Variants in LHFPL2 observed in about 807,000 individuals in gnomAD.
The protein encoded by LHFPL2 is LHFPL tetraspan subfamily member 2 protein.
Under a neutral mutation model 17.5 loss-of-function variants are expected in LHFPL2, and 7 were observed. The observed-to-expected ratio is 0.40, with a 90% CI of 0.23 to 0.75. LHFPL2 has a LOEUF of 0.75. LHFPL2 is among the 30% of genes least tolerant of loss of function. LHFPL2 has a pLI of 0.37. For synonymous variants in LHFPL2, 134 were observed against 116.2 expected (o/e 1.15, Z -0.99); for missense variants, 241 against 294.8 (o/e 0.82, Z 1.34).
At chr5:78,515,581 C>T (rs1450252236) in intron 3 of LHFPL2, among the ~76,000 whole-genome samples, 1 of 152,222 alleles carries the variant, frequency 6.6e-6, no homozygotes. Context: ...GTGCTTTTGC[C>T]TTCCAAGAGT....
At chr5:78,555,212 C>T (rs1190931094) in intron 3 of LHFPL2, among the ~76,000 whole-genome samples, 1 of 152,202 alleles carries the variant, frequency 6.6e-6, no homozygotes, top group South Asian at 2.1e-4. Flanking sequence ...GAATACTATA[C>T]ATTAGACAGT....
rs908711018 is a variant in LHFPL2 at position 78,511,365 on chromosome 5, G to A, written c.-185-967C>T. Among the ~76,000 whole-genome samples, 4 of 152,324 alleles carry A rather than the reference G, an allele frequency of 2.6e-5. No homozygotes were observed. In the South Asian group the frequency reaches 6.2e-4, roughly 24 times the overall value. The stretch of plus-strand genomic sequence containing the variant: ...CCTCATTCTGTCTCCACGGAGGAAT[G>A]ACTTCATTACCAGAAGACATTGCTC... On this transcript the variant is annotated intron_variant, in intron 3 of 4. Coordinates refer to ENST00000380345, the MANE Select transcript of LHFPL2 (RefSeq NM_005779.3).
At chr5:78,544,353 G>A (rs1004446921) in intron 3 of LHFPL2, among the ~76,000 whole-genome samples, 1 of 152,178 alleles carries the variant, frequency 6.6e-6, no homozygotes, top group South Asian at 2.1e-4. Flanking sequence ...GTAAAGCAGA[G>A]CTCAGGTCTT....
rs1354243886 is a variant in LHFPL2 at position 78,632,308 on chromosome 5, C to T, written c.-289G>A. ...GGTCCCTCGCTTGCATGAGGTGCTT[C>T]TTAACAAAATGCAGAAACCATAGGC... is the stretch of plus-strand genomic sequence containing the variant. On this transcript the variant is annotated 5_prime_UTR_variant, in exon 2 of 5. Coordinates refer to ENST00000380345, the MANE Select transcript of LHFPL2 (RefSeq NM_005779.3). 6.6e-6 allele frequency: 1 copy of T among 152,216 alleles called. No homozygotes were observed. Among genetic ancestry groups the T allele is most frequent in the Non-Finnish European group, 1.5e-5 (1 of 68,050 alleles). The allele number at this position is 152,216 out of a possible 1,614,324, so 9.4% of individuals were successfully genotyped here. A position where few individuals can be genotyped will look rare whatever the true frequency, so the allele number is the denominator to read the frequency against.
chr5:78,502,690 G>C (rs1754809576), intron 4 of LHFPL2, among the ~76,000 whole-genome samples: 1 of 126,496 alleles, frequency 7.9e-6, no homozygotes, highest in African/African-American at 3.1e-5. Context: ...AAGGTAAAAG[G>C]CACTTTTAAA....
At chr5:78,568,217 A>AAGG (rs1756908733) in intron 2 of LHFPL2, among the ~76,000 whole-genome samples, 3 of 152,228 alleles carry the variant, frequency 2.0e-5, no homozygotes, top group Admixed American at 6.5e-5. Context: ...TATGTATATT[A>AAGG]TTAATCTGCT....
intron 4 of LHFPL2, among the ~76,000 whole-genome samples, chr5:78,492,835 C>A (rs1754489710): frequency 6.6e-6 from 1 of 152,224 alleles, no homozygotes; most frequent in South Asian, 2.1e-4. Flanking sequence ...GTGCCAACCA[C>A]ACGCTGCAAC....
At chr5:78,625,641 A>G (rs562121292) in intron 2 of LHFPL2, 6 of 152,374 alleles carry the variant, frequency 3.9e-5, no homozygotes, top group East Asian at 1.9e-4. Context: ...ACACTTCTAC[A>G]GACTTTTCTG....
intron 3 of LHFPL2, among the ~76,000 whole-genome samples, chr5:78,546,051 T>G (rs1185679770): frequency 1.3e-5 from 2 of 152,204 alleles, no homozygotes; most frequent in Non-Finnish European, 2.9e-5. Context: ...CTTACTGAGT[T>G]CTAATTTCTA....
At chr5:78,505,914 G>A (rs970544706) in intron 4 of LHFPL2, among the ~76,000 whole-genome samples, 6 of 152,202 alleles carry the variant, frequency 3.9e-5, no homozygotes, top group Non-Finnish European at 8.8e-5. Context: ...GAAAACTATG[G>A]TTCAGAAAAG....
chr5:78,642,960 C>G (rs1430044844), intron 1 of LHFPL2, among the ~76,000 whole-genome samples: 1 of 152,196 alleles, frequency 6.6e-6, no homozygotes, highest in Non-Finnish European at 1.5e-5. Flanking sequence ...AGCCTCCCAG[C>G]TCACCTTGTT....
chr5:78,583,836 C>G (rs1254107655), intron 2 of LHFPL2, among the ~76,000 whole-genome samples: 107 of 142,218 alleles, frequency 7.5e-4, no homozygotes, highest in African/African-American at 2.5e-3. Context: ...GCCTGCCTTG[C>G]TAGATTGGGG....
intron 2 of LHFPL2, among the ~76,000 whole-genome samples, chr5:78,602,896 G>C (rs1263689393): frequency 6.6e-6 from 1 of 151,974 alleles, no homozygotes; most frequent in Non-Finnish European, 1.5e-5. Flanking sequence ...GTTTTGTTTT[G>C]TTTTGTTTTG....
intron 2 of LHFPL2, among the ~76,000 whole-genome samples, chr5:78,627,056 G>A (rs1745067765): frequency 6.6e-6 from 1 of 151,620 alleles, no homozygotes; most frequent in African/African-American, 2.4e-5. Context: ...ACTCCAGCCT[G>A]GGCAACGAGA....
At chr5:78,551,702 A>C (rs141400766) in intron 3 of LHFPL2, among the ~76,000 whole-genome samples, 1 of 152,194 alleles carries the variant, frequency 6.6e-6, no homozygotes, top group African/African-American at 2.4e-5. Context: ...CAAAAACTAG[A>C]ATCCCACTTC....
At chr5:78,538,714 C>G (rs994691624) in intron 3 of LHFPL2, among the ~76,000 whole-genome samples, 8 of 152,304 alleles carry the variant, frequency 5.3e-5, no homozygotes, top group Admixed American at 4.6e-4. Flanking sequence ...GGTGAGAAGC[C>G]ACACCTGCAC....
At chr5:78,537,217 C>T (rs1001969432) in intron 3 of LHFPL2, among the ~76,000 whole-genome samples, 1 of 152,192 alleles carries the variant, frequency 6.6e-6, no homozygotes, top group Non-Finnish European at 1.5e-5. Flanking sequence ...GCCACTGAAG[C>T]TTTCTCCGAG....
At chr5:78,598,576 G>C (rs1370085664) in intron 2 of LHFPL2, among the ~76,000 whole-genome samples, 2 of 152,178 alleles carry the variant, frequency 1.3e-5, no homozygotes, top group Non-Finnish European at 2.9e-5. Flanking sequence ...AAACAAAACT[G>C]TTAAGTACTT....
chr5:78,613,843 G>C (rs1744501725), intron 2 of LHFPL2, among the ~76,000 whole-genome samples: 1 of 152,122 alleles, frequency 6.6e-6, no homozygotes, highest in Admixed American at 6.5e-5. Flanking sequence ...TTCTGACTCA[G>C]ATTCATCAGG....
Sources: gnomAD v4.1 joint callset for allele counts (sites outside exome capture counted in the v4.1 genomes callset) on GRCh38, gnomAD v4.1.1 for gene constraint, MANE v1.5 for transcripts, NCBI Gene and HGNC (gene_info 2026-07-23, HGNC 2026-07-21) for gene names.